SPTLC2: variants seen among roughly 807,000 people sequenced by gnomAD.
SPTLC2 encodes the protein serine palmitoyltransferase long chain base subunit 2.
In SPTLC2, 21 loss-of-function variants were observed where a neutral mutation model predicts 62.0. That is an observed-to-expected ratio of 0.34 (90% CI 0.24 to 0.49). The LOEUF (loss-of-function observed/expected upper bound fraction) is 0.49, where lower values mean the gene tolerates loss of function less well. Ranked by LOEUF, SPTLC2 falls within the 20% of genes least tolerant of loss-of-function variation. SPTLC2 has a pLI of 0.99. For missense variants in SPTLC2, 511 were observed against 713.0 expected (o/e 0.72, Z 3.23); for synonymous variants, 261 against 261.8 (o/e 1.00, Z 0.03).
chr14:77,556,994 C>T, intron 7 of SPTLC2, 47 bp downstream of exon 7: 1 of 1,537,628 alleles, frequency 6.5e-7, no homozygotes, highest in Non-Finnish European at 9.0e-7. Context: ...AATTCTATGA[C>T]TTCATGGGGC....
At chr14:77,601,703 A>C (rs1401441664) in intron 1 of SPTLC2, among the ~76,000 whole-genome samples, 1 of 151,976 alleles carries the variant, frequency 6.6e-6, no homozygotes, top group Non-Finnish European at 1.5e-5. Flanking sequence ...GGAACATCTC[A>C]CCGATTTTAA....
chr14:77,545,673 T>C (rs12101129), intron 9 of SPTLC2, among the ~76,000 whole-genome samples: 29,966 of 151,864 alleles, frequency 0.2, 3,025 homozygotes, highest in East Asian at 0.31. Flanking sequence ...TCAAGTCTAT[T>C]TGATGAAAAA....
intron 2 of SPTLC2, among the ~76,000 whole-genome samples, chr14:77,586,225 A>G (rs10151331): frequency 0.49 from 74,421 of 151,376 alleles, 18,369 homozygotes; most frequent in Admixed American, 0.53. Context: ...ACAGGTGTGC[A>G]CCACCATATC....
intron 9 of SPTLC2, among the ~76,000 whole-genome samples, chr14:77,535,020 C>T (rs758606687): frequency 1.3e-5 from 2 of 152,148 alleles, no homozygotes; most frequent in Admixed American, 6.5e-5. Context: ...CTCCGCCTCC[C>T]GGGTTCAAGC....
chr14:77,610,992 CAAAA>C (rs61504970), intron 1 of SPTLC2, among the ~76,000 whole-genome samples: 94 of 106,852 alleles, frequency 8.8e-4, no homozygotes, highest in Admixed American at 3.3e-4. Flanking sequence ...CCCATCTCTA[CAAAA>C]AAAAAAAAAA....
chr14:77,546,004 A>G (rs925219809), intron 9 of SPTLC2, among the ~76,000 whole-genome samples: 2 of 152,222 alleles, frequency 1.3e-5, no homozygotes, highest in Admixed American at 6.5e-5. Flanking sequence ...GAAAACAGGG[A>G]GGCAAATGCC....
At position 77,552,080 on chromosome 14, in the gene SPTLC2, G is replaced by A; in HGVS notation, c.1303+16C>T. The A allele has an allele frequency of 6.2e-7, 1 of 1,613,624 alleles. No individual in the cohort carries two copies. Among genetic ancestry groups the A allele is most frequent in the Non-Finnish European group, 8.5e-7 (1 of 1,179,900 alleles). ...TAGGTGGACTTATGCAATGTTTCAA[G>A]AAAAGAAAGACTTACCAAGGCTGGT... On this transcript the variant is annotated intron_variant, in intron 9 of 11. Transcript: ENST00000216484.
intron 4 of SPTLC2, among the ~76,000 whole-genome samples, chr14:77,575,689 G>A (rs928921595): frequency 3.9e-5 from 6 of 152,152 alleles, no homozygotes; most frequent in Non-Finnish European, 8.8e-5. Flanking sequence ...GCGCCACCAC[G>A]TTCGGCTACT....
At chr14:77,613,096 G>A (rs2079946785) in intron 1 of SPTLC2, among the ~76,000 whole-genome samples, 1 of 152,146 alleles carries the variant, frequency 6.6e-6, no homozygotes, top group South Asian at 2.1e-4. Flanking sequence ...TATTTCAGGT[G>A]CAACCAAAAC....
At chr14:77,549,516 G>A (rs887257344) in intron 9 of SPTLC2, among the ~76,000 whole-genome samples, 2 of 152,172 alleles carry the variant, frequency 1.3e-5, no homozygotes, top group Admixed American at 1.3e-4. Context: ...AGTCACTCCA[G>A]CCCAGGTGAC....
chr14:77,555,802 A>G (rs2079580288), intron 7 of SPTLC2, among the ~76,000 whole-genome samples: 1 of 151,994 alleles, frequency 6.6e-6, no homozygotes, highest in South Asian at 2.1e-4. Context: ...TATTTTTAGT[A>G]GAGATAGGGT....
intron 5 of SPTLC2, among the ~76,000 whole-genome samples, chr14:77,563,868 A>C (rs2079628147): frequency 6.6e-6 from 1 of 152,202 alleles, no homozygotes; most frequent in Admixed American, 6.5e-5. Flanking sequence ...AATACTTAAG[A>C]AACTTGTAAC....
At chr14:77,600,042 C>T (rs2299926) in intron 1 of SPTLC2, among the ~76,000 whole-genome samples, 25,016 of 152,112 alleles carry the variant, frequency 0.16, 2,504 homozygotes, top group East Asian at 0.43. Flanking sequence ...ACCGCAGTCT[C>T]AATCCAACAT....
intron 7 of SPTLC2, among the ~76,000 whole-genome samples, chr14:77,556,610 C>T (rs2079585245): frequency 6.6e-6 from 1 of 152,126 alleles, no homozygotes; most frequent in African/African-American, 2.4e-5. Context: ...CCAAGCTGGT[C>T]TCAAATTCCT....
chr14:77,534,259 A>T (rs977295768), intron 9 of SPTLC2, among the ~76,000 whole-genome samples: 2 of 151,770 alleles, frequency 1.3e-5, no homozygotes, highest in Non-Finnish European at 2.9e-5. Flanking sequence ...GAACATGTAA[A>T]TTTGTTCCAC....
intron 1 of SPTLC2, among the ~76,000 whole-genome samples, chr14:77,614,620 C>T (rs1020180068): frequency 2.0e-5 from 3 of 150,478 alleles, no homozygotes; most frequent in East Asian, 3.9e-4. Context: ...GCCGAGATCG[C>T]GCCACTGCAC....
intron 9 of SPTLC2, among the ~76,000 whole-genome samples, chr14:77,538,182 A>T (rs1379450803): frequency 6.6e-6 from 1 of 152,184 alleles, no homozygotes; most frequent in African/African-American, 2.4e-5. Flanking sequence ...AAAGCTTTTG[A>T]GGTTTTCCTT....
intron 4 of SPTLC2, among the ~76,000 whole-genome samples, chr14:77,573,586 A>G (rs1017500312): frequency 1.3e-5 from 2 of 152,206 alleles, no homozygotes; most frequent in African/African-American, 4.8e-5. Flanking sequence ...GGAAATTTGG[A>G]CACAGTGATA....
At chr14:77,573,842 G>C (rs563442553) in intron 4 of SPTLC2, among the ~76,000 whole-genome samples, 1 of 152,294 alleles carries the variant, frequency 6.6e-6, no homozygotes, top group Non-Finnish European at 1.5e-5. Context: ...ATGTTGGCTA[G>C]GCTGGTCTTG....
Sources: allele counts gnomAD v4.1 joint callset (sites outside exome capture counted in the v4.1 genomes callset), GRCh38; gene constraint gnomAD v4.1.1; transcripts MANE v1.5; gene names NCBI Gene and HGNC (gene_info 2026-07-23, HGNC 2026-07-21).